Variants in ISLR observed in about 807,000 individuals in gnomAD.
The protein encoded by ISLR is immunoglobulin superfamily containing leucine rich repeat.
Under a neutral mutation model 11.0 loss-of-function variants are expected in ISLR, and 9 were observed. The ratio of observed to expected loss-of-function variants is 0.82; its 90% CI spans 0.49 to 1.43. The LOEUF (loss-of-function observed/expected upper bound fraction) is 1.43, where lower values mean the gene tolerates loss of function less well. Ranked by LOEUF, ISLR falls within the 40% of genes most tolerant of loss-of-function variation. The probability of loss-of-function intolerance (pLI) is 0.00; values close to 1 mark genes in which losing one functional copy is unlikely to be tolerated. For missense variants in ISLR, 510 were observed against 576.4 expected, an observed-to-expected ratio of 0.88 and a Z score of 1.18; for synonymous variants, 262 against 264.1, an observed-to-expected ratio of 0.99 and a Z score of 0.08.
At position 74,176,345 on chromosome 15, in the gene ISLR, A is replaced by G; in HGVS notation, c.*200A>G. 1 of 522,092 alleles carries G rather than the reference A, an allele frequency of 1.9e-6. No homozygotes were observed. 32.3% of individuals were successfully genotyped at this position (522,092 alleles called of 1,614,324 possible). A position where few individuals can be genotyped will look rare whatever the true frequency, so the allele number is the denominator to read the frequency against. On this transcript the variant is annotated 3_prime_UTR_variant, in exon 2 of 2. Transcript: ENST00000249842. Reference sequence around the variant, plus strand: ...AAACTAGTGACTAGGATAGAATTTGATCCCCTAACTCACTGTCTGCGGTGC... The same window carrying G: ...AAACTAGTGACTAGGATAGAATTTGGTCCCCTAACTCACTGTCTGCGGTGC...
In ISLR at chr15:74,175,792, C is replaced by T. The variant is rs749025421; in HGVS notation, c.934C>T (p.Leu312=). 1.9e-6 allele frequency: 3 copies of T among 1,614,008 alleles called. No individual in the cohort carries two copies. Among genetic ancestry groups the T allele is most frequent in the African/African-American group, 2.7e-5 (2 of 74,954 alleles). ...PRFQAFANGS[L]LIPDFGKLEE... is the part of the protein sequence containing the mutation. ...CTTCCAGGCCTTTGCCAATGGCAGC[C>T]TGCTTATCCCCGACTTTGGCAAGCT... Residue 312 remains leucine, a synonymous_variant, in exon 2 of 2, where the codon CTG becomes TTG. Transcript: ENST00000249842. The surrounding 1 kb of genome is among the most constrained non-coding windows in gnomAD (Gnocchi z 4.7).
rs147937889 is a variant in ISLR at position 74,175,354 on chromosome 15, T to C, written c.496T>C (p.Phe166Leu). Residue 166 changes from phenylalanine to leucine, a missense_variant, in exon 2 of 2, where the codon TTC becomes CTC. Coordinates refer to ENST00000249842, the MANE Select transcript of ISLR (RefSeq NM_005545.4). The surrounding 1 kb of genome is among the most constrained non-coding windows in gnomAD (Gnocchi z 4.7). ...CTTGCACACATTGGCCGAGGGCACC[T>C]TCACCCCGCTCACCGCGCTGTCCCA... is the stretch of plus-strand genomic sequence containing the variant. ...NRLHTLAEGT[F>L]TPLTALSHLQ... The C allele has an allele frequency of 6.2e-7, 1 of 1,610,910 alleles. No homozygotes were observed. The highest frequency in any genetic ancestry group is 8.5e-7 in the Non-Finnish European group (1 of 1,179,840).
Position 74,175,704 on chromosome 15 carries a change from C to T in ISLR, c.846C>T (p.Ser282=), listed in dbSNP as rs1325441029. 13 of 1,613,986 alleles carry T rather than the reference C, an allele frequency of 8.1e-6. No homozygotes were observed. The highest frequency in any genetic ancestry group is 1.1e-5 in the Non-Finnish European group (13 of 1,180,022). ...CCAGTGGCATTGTGGAGATCACCAG[C>T]CCCAACGTGGGCACTGATGGGCGTG... The part of the protein sequence containing the change: ...QIPSGIVEIT[S]PNVGTDGRAL... Residue 282 remains serine (S), a synonymous_variant, in exon 2 of 2, where the codon AGC becomes AGT. Coordinates refer to ENST00000249842, the MANE Select transcript of ISLR (RefSeq NM_005545.4). This position sits in a 1 kb window ranked among gnomAD's most constrained non-coding sequence, Gnocchi z 4.7.
At position 74,175,004 on chromosome 15, in the gene ISLR, C is replaced by T. The variant is rs201281548; in HGVS notation, c.146C>T (p.Pro49Leu). The T allele has an allele frequency of 2.6e-4, 414 of 1,612,662 alleles. 2 individuals carry two copies. In the East Asian group the frequency reaches 3.6e-3, roughly 14 times the overall value. ...CTAGAATCCGTGCCGCCTGGCTTCC[C>T]GGCCAATGTGACTACACTGAGCCTG... is the stretch of plus-strand genomic sequence containing the variant. ...RDLESVPPGFPANVTTLSLSA... is the reference protein window; with the variant it reads ...RDLESVPPGFLANVTTLSLSA... Residue 49 changes from proline to leucine, a missense_variant, in exon 2 of 2, where the codon CCG becomes CTG. By Grantham distance (98) the Pro-to-Leu change is moderately conservative (BLOSUM62 -3). Transcript: ENST00000249842. The surrounding 1 kb of genome is among the most constrained non-coding windows in gnomAD (Gnocchi z 4.7).
rs1363129972 is a variant in ISLR, at chr15:74,175,257, G to A, written c.399G>A (p.Glu133=). 6.2e-7 allele frequency: 1 copy of A among 1,613,192 alleles called. No homozygotes were observed. The highest frequency in any genetic ancestry group is 1.3e-5 in the African/African-American group (1 of 75,046). ...ALQLLKMDSN[E]LTFIPRDAFR... ...AATTGCTCAAGATGGACAGCAACGA[G>A]CTGACCTTCATCCCCCGCGACGCCT... Residue 133 remains glutamate, a synonymous_variant, in exon 2 of 2, where the codon GAG becomes GAA. Transcript: ENST00000249842. The surrounding 1 kb of genome is among the most constrained non-coding windows in gnomAD (Gnocchi z 4.7).
At position 74,175,451 on chromosome 15, in the gene ISLR, C is replaced by T. The variant is rs146746279; in HGVS notation, c.593C>T (p.Thr198Met). The part of the protein sequence containing the change: ...IVWLKTWALT[T>M]AVSIPEQDNI... ...TGGCTCAAGACATGGGCCCTGACCA[C>T]GGCCGTGTCCATCCCGGAGCAGGAC... The change falls in exon 2 of 2, where the codon ACG (threonine) becomes ATG (methionine). Residue 198 changes from threonine to methionine, a missense_variant. Coordinates refer to ENST00000249842, the MANE Select transcript of ISLR (RefSeq NM_005545.4). The surrounding 1 kb of genome is among the most constrained non-coding windows in gnomAD (Gnocchi z 4.7). The T allele has an allele frequency of 3.5e-5, 57 of 1,611,570 alleles. No homozygotes were observed. The highest frequency in any genetic ancestry group is 1.3e-4 in the Admixed American group (8 of 60,002).
chr15:74,175,678 C>T lies in ISLR; in HGVS notation c.820C>T (p.Pro274Ser). Residue 274 changes from proline to serine, a missense_variant, in exon 2 of 2, where the codon CCC becomes TCC. Coordinates refer to ENST00000249842, the MANE Select transcript of ISLR (RefSeq NM_005545.4). This position sits in a 1 kb window ranked among gnomAD's most constrained non-coding sequence, Gnocchi z 4.7. Reference sequence around the variant, plus strand: ...TCAGCTTCACTGGCACATCCAGATACCCAGTGGCATTGTGGAGATCACCAG... The same window carrying T: ...TCAGCTTCACTGGCACATCCAGATATCCAGTGGCATTGTGGAGATCACCAG... ...APQLHWHIQI[P>S]SGIVEITSPN... is the part of the protein sequence containing the mutation. The T allele has an allele frequency of 1.9e-6, 3 of 1,614,094 alleles. No homozygotes were observed. Among genetic ancestry groups the T allele is most frequent in the South Asian group, 1.1e-5 (1 of 91,088 alleles).
In ISLR at chr15:74,176,102, TG is replaced by T; in HGVS notation, c.1247del (p.Gly416AlafsTer57). ...PGQLPPGLLL[L>X]GQSLLLFFFL... ...CAGCTGCCCCCAGGCCTGCTCCTGC[TG>T]GGCCAAAGCCTCCTCCTCTTCTTCT... On this transcript the variant is annotated frameshift_variant, in exon 2 of 2. Coordinates refer to ENST00000249842, the MANE Select transcript of ISLR (RefSeq NM_005545.4). LOFTEE classifies it high-confidence loss of function. 3 of 1,583,850 alleles carry T rather than the reference TG, an allele frequency of 1.9e-6. No individual in the cohort carries two copies. Among genetic ancestry groups the T allele is most frequent in the Non-Finnish European group, 2.6e-6 (3 of 1,164,740 alleles).
rs761253339 is a variant in ISLR at position 74,175,381 on chromosome 15, C to A, written c.523C>A (p.Leu175Met). The change falls in exon 2 of 2, where the codon CTG becomes ATG. Residue 175 changes from leucine (L) to methionine (M), a missense_variant. By Grantham distance (15) the Leu-to-Met change is conservative (BLOSUM62 2). Transcript: ENST00000249842. The surrounding 1 kb of genome is among the most constrained non-coding windows in gnomAD (Gnocchi z 4.7). ...TFTPLTALSH[L>M]QINENPFDCT... ...CACCCCGCTCACCGCGCTGTCCCAC[C>A]TGCAGATCAACGAGAACCCCTTCGA... 6.2e-7 allele frequency: 1 copy of A among 1,611,766 alleles called. No homozygotes were observed. Among genetic ancestry groups the A allele is most frequent in the South Asian group, 1.1e-5 (1 of 91,032 alleles).
At chr15:74,174,603 C>A in intron 1 of ISLR, 1 of 425,650 alleles carries the variant, frequency 2.3e-6, no homozygotes, top group Non-Finnish European at 4.1e-6. Flanking sequence ...GGAGGAGGAG[C>A]TGGGGTCCTC....
In ISLR at chr15:74,175,278, C is replaced by T. The variant is rs367852419; in HGVS notation, c.420C>T (p.Asp140=). The change falls in exon 2 of 2, where the codon GAC becomes GAT. Residue 140 remains aspartate, a synonymous_variant. Transcript: ENST00000249842. The surrounding 1 kb of genome is among the most constrained non-coding windows in gnomAD (Gnocchi z 4.7). ...DSNELTFIPR[D]AFRSLRALRS... ...ACGAGCTGACCTTCATCCCCCGCGA[C>T]GCCTTCCGCAGCCTCCGTGCTCTGC... The T allele has an allele frequency of 6.3e-4, 1,012 of 1,612,586 alleles. 10 individuals are homozygous for T. In the South Asian group the frequency reaches 1.0e-2, roughly 16 times the overall value.
rs549534596 is a variant in ISLR at position 74,176,313 on chromosome 15, C to T, written c.*168C>T. 8.9e-6 allele frequency: 5 copies of T among 562,846 alleles called. No homozygotes were observed. Among genetic ancestry groups the T allele is most frequent in the Non-Finnish European group, 1.3e-5 (4 of 316,346 alleles). 34.9% of individuals were successfully genotyped at this position (562,846 alleles called of 1,614,324 possible). On this transcript the variant is annotated 3_prime_UTR_variant, in exon 2 of 2. Coordinates refer to ENST00000249842, the MANE Select transcript of ISLR (RefSeq NM_005545.4). ...CACCTGCTATCCCCAACTTCTAGAC[C>T]TGCTCCAAACTAGTGACTAGGATAG...
chr15:74,176,433 G>C lies in ISLR; in HGVS notation c.*288G>C. ...AGGGGCAGCATGCTAACGGGGCGAC[G>C]TCCTAATCCAACTGGGAGAAGCCTC... is the stretch of plus-strand genomic sequence containing the variant. On this transcript the variant is annotated 3_prime_UTR_variant, in exon 2 of 2. Coordinates refer to ENST00000249842, the MANE Select transcript of ISLR (RefSeq NM_005545.4). 1 of 390,150 alleles carries C rather than the reference G, an allele frequency of 2.6e-6. No individual in the cohort carries two copies. Among genetic ancestry groups the C allele is most frequent in the Non-Finnish European group, 4.8e-6 (1 of 209,678 alleles). The allele number at this position is 390,150 out of a possible 1,614,324, so 24.2% of individuals were successfully genotyped here.
Position 74,176,232 on chromosome 15 carries a change from A to C in ISLR, c.*87A>C, listed in dbSNP as rs1036534017. The C allele has an allele frequency of 1.9e-6, 2 of 1,068,186 alleles. No homozygotes were observed. The highest frequency in any genetic ancestry group is 3.2e-5 in the African/African-American group (2 of 62,946). 66.2% of individuals were successfully genotyped at this position (1,068,186 alleles called of 1,614,324 possible). On this transcript the variant is annotated 3_prime_UTR_variant, in exon 2 of 2. Transcript: ENST00000249842. ...AGGGGTCTGGGGTTGGCAACTCCTG[A>C]GGCCTGCATGGGTGACTTCACATTT...
Position 74,175,189 on chromosome 15 carries a change from T to A in ISLR, c.331T>A (p.Ser111Thr), listed in dbSNP as rs765878671. ...KSLDLSHNLI[S>T]DFAWSDLHNL... ...CCTGGACCTCAGCCACAATCTCATC[T>A]CTGACTTTGCCTGGAGCGACCTGCA... Residue 111 changes from serine (S) to threonine (T), a missense_variant, in exon 2 of 2, where the codon TCT becomes ACT. Physicochemically the swap from Ser to Thr is moderately conservative, Grantham distance 58. Transcript: ENST00000249842. This position sits in a 1 kb window ranked among gnomAD's most constrained non-coding sequence, Gnocchi z 4.7. The A allele has an allele frequency of 2.5e-6, 4 of 1,613,124 alleles. No individual in the cohort carries two copies. In the African/African-American group the frequency reaches 5.3e-5, roughly 22 times the overall value.
intron 1 of ISLR, chr15:74,174,559 A>C: frequency 6.1e-6 from 2 of 326,400 alleles, no homozygotes; most frequent in East Asian, 1.0e-4. Flanking sequence ...AAAGTCAGCT[A>C]GGAACAGGCC....
At chr15:74,174,637 T>C (rs773870956) in intron 1 of ISLR, 26 of 479,730 alleles carry the variant, frequency 5.4e-5, no homozygotes, top group Non-Finnish European at 8.4e-5. Context: ...TCATCCTGCC[T>C]GGCTGCGTGA....
Position 74,176,285 on chromosome 15 carries a change from G to C in ISLR, c.*140G>C. The C allele has an allele frequency of 1.6e-6, 1 of 644,482 alleles. No homozygotes were observed. The highest frequency in any genetic ancestry group is 2.6e-6 in the Non-Finnish European group (1 of 379,618). 39.9% of individuals were successfully genotyped at this position (644,482 alleles called of 1,614,324 possible). A position where few individuals can be genotyped will look rare whatever the true frequency, so the allele number is the denominator to read the frequency against. On this transcript the variant is annotated 3_prime_UTR_variant, in exon 2 of 2. Transcript: ENST00000249842. ...CTACCTCTCCTTCTAATCTCTTCTA[G>C]AGCACCTGCTATCCCCAACTTCTAG...
chr15:74,174,333 T>A (rs1384206710), intron 1 of ISLR: 1 of 153,722 alleles, frequency 6.5e-6, no homozygotes, highest in Non-Finnish European at 1.4e-5. Context: ...AGAAAAGGCC[T>A]GGTGTCTGCT....
Sources: allele counts gnomAD v4.1 joint callset, GRCh38; gene constraint gnomAD v4.1.1; non-coding constraint Gnocchi (gnomAD v3.1); transcripts MANE v1.5; gene names NCBI Gene and HGNC (gene_info 2026-07-23, HGNC 2026-07-21).